The following TRHDE variants were observed in gnomAD, a reference collection of about 807,000 sequenced individuals.
TRHDE encodes thyrotropin releasing hormone degrading enzyme.
TRHDE carries 72 observed loss-of-function variants against 125.7 expected under a neutral mutation model. The observed-to-expected ratio is 0.57, with a 90% CI of 0.47 to 0.70. The LOEUF is 0.70. TRHDE is among the 30% of genes least tolerant of loss of function. TRHDE has a pLI of 0.00. For synonymous variants in TRHDE, 509 were observed against 509.1 expected (o/e 1.00, Z 0.00); for missense variants, 1,110 against 1,327.1 (o/e 0.84, Z 2.54).
At chr12:72,131,217 G>A (rs986554375) in intron 2 of TRHDE, among the ~76,000 whole-genome samples, 6 of 151,344 alleles carry the variant, frequency 4.0e-5, no homozygotes, top group African/African-American at 7.3e-5. Flanking sequence ...GACTACAGGC[G>A]CCCGCCACCA....
intron 2 of TRHDE, among the ~76,000 whole-genome samples, chr12:72,243,950 A>G (rs1878528033): frequency 6.6e-6 from 1 of 152,156 alleles, no homozygotes. Flanking sequence ...CTGTATTTTT[A>G]ACACTCGCCC....
At chr12:72,167,790 ATC>A (rs528162612) in intron 2 of TRHDE, 2 of 152,216 alleles carry the variant, frequency 1.3e-5, no homozygotes, top group Non-Finnish European at 2.9e-5. Flanking sequence ...TGGGAATCAC[ATC>A]TCTCAGAATT....
rs145078353 is a variant in TRHDE, at chr12:72,529,056, T to C, written c.1723-13235T>C. ...AATTTAACTTATTTCATTTTTCCTC[T>C]GTCAGATAATTTTATTTTAAATAAA... On this transcript the variant is annotated intron_variant, in intron 6 of 18. Transcript: ENST00000261180. Among the ~76,000 whole-genome samples the C allele has an allele frequency of 4.2e-3, 644 of 152,214 alleles. 4 individuals are homozygous for C. The highest frequency in any genetic ancestry group is 0.014 in the African/African-American group (595 of 41,560).
chr12:72,308,254 G>T (rs1444965897), intron 2 of TRHDE, among the ~76,000 whole-genome samples: 1 of 152,082 alleles, frequency 6.6e-6, no homozygotes, highest in African/African-American at 2.4e-5. Flanking sequence ...GTGTGTGAAT[G>T]TGAGGACAAA....
At chr12:72,443,319 A>G (rs184212456) in intron 3 of TRHDE, among the ~76,000 whole-genome samples, 50 of 151,230 alleles carry the variant, frequency 3.3e-4, no homozygotes, top group Middle Eastern at 6.8e-3. Flanking sequence ...CTACTCAATC[A>G]CCATTACTCT....
intron 12 of TRHDE, among the ~76,000 whole-genome samples, chr12:72,609,954 C>G (rs1265286983): frequency 6.6e-6 from 1 of 152,112 alleles, no homozygotes; most frequent in Non-Finnish European, 1.5e-5. Context: ...GCTCAATAAG[C>G]AGAATTCCAT....
At chr12:72,277,003 G>C (rs1363115025) in intron 1 of TRHDE, among the ~76,000 whole-genome samples, 4 of 152,140 alleles carry the variant, frequency 2.6e-5, no homozygotes, top group Non-Finnish European at 5.9e-5. Context: ...CCTTAATTTA[G>C]ATCCAGATGG....
chr12:72,338,348 A>G (rs533603282), intron 2 of TRHDE, among the ~76,000 whole-genome samples: 9 of 152,286 alleles, frequency 5.9e-5, no homozygotes, highest in African/African-American at 1.9e-4. Context: ...TGTGATCTTA[A>G]TTGGTATTTT....
intron 3 of TRHDE, among the ~76,000 whole-genome samples, chr12:72,397,977 TC>T (rs1465301663): frequency 8.6e-6 from 1 of 116,486 alleles, no homozygotes; most frequent in African/African-American, 3.2e-5. Flanking sequence ...ATGCTATCCC[TC>T]CCCCCTCCCC....
At chr12:72,113,789 T>C (rs1247313216) in intron 2 of TRHDE, among the ~76,000 whole-genome samples, 3 of 152,022 alleles carry the variant, frequency 2.0e-5, no homozygotes, top group African/African-American at 4.8e-5. Flanking sequence ...TATCATGTAA[T>C]TGATATTATG....
intron 2 of TRHDE, among the ~76,000 whole-genome samples, chr12:72,185,061 G>C (rs535020126): frequency 6.6e-6 from 1 of 152,160 alleles, no homozygotes; most frequent in East Asian, 1.9e-4. Context: ...AGCGGGAACC[G>C]GGGCTGCCTG....
rs145253836 is a variant in TRHDE at position 72,333,540 on chromosome 12, A to G, written c.1189-44455A>G. Among the ~76,000 whole-genome samples, 187 of 152,332 alleles carry G rather than the reference A, an allele frequency of 1.2e-3. 1 individual carries two copies. The highest frequency in any genetic ancestry group is 4.4e-3 in the African/African-American group (182 of 41,578). On this transcript the variant is annotated intron_variant, in intron 2 of 18. Transcript: ENST00000261180. The stretch of plus-strand genomic sequence containing the variant: ...CGTACTACTGAAGATTTCTTGTTCT[A>G]TGCACTACAAGTGGATAGACATGGG...
At chr12:72,572,709 T>C (rs1870804833) in intron 10 of TRHDE, among the ~76,000 whole-genome samples, 1 of 152,070 alleles carries the variant, frequency 6.6e-6, no homozygotes, top group Admixed American at 6.6e-5. Flanking sequence ...GAGGCCTGTC[T>C]TTCTTATTCT....
At chr12:72,554,276 T>C (rs942005744) in intron 7 of TRHDE, among the ~76,000 whole-genome samples, 5 of 152,198 alleles carry the variant, frequency 3.3e-5, no homozygotes, top group Admixed American at 1.3e-4. Flanking sequence ...CTGAAGTTTC[T>C]TGGATTCTTT....
chr12:72,276,673 A>G (rs1879498339), intron 1 of TRHDE, among the ~76,000 whole-genome samples: 1 of 152,218 alleles, frequency 6.6e-6, no homozygotes, highest in Non-Finnish European at 1.5e-5. Context: ...AGGTTAGAAG[A>G]CGAGCTCCCT....
chr12:72,167,316 A>G (rs1398451464), intron 2 of TRHDE, among the ~76,000 whole-genome samples: 2 of 152,190 alleles, frequency 1.3e-5, no homozygotes, highest in African/African-American at 4.8e-5. Context: ...CCAAACTGCA[A>G]GGAACAGAGA....
chr12:72,113,353 A>C (rs1024609127), intron 2 of TRHDE, among the ~76,000 whole-genome samples: 1 of 151,386 alleles, frequency 6.6e-6, no homozygotes, highest in African/African-American at 2.4e-5. Context: ...GGCTGGGTGC[A>C]GTGGCTCACA....
At chr12:72,369,457 A>G (rs1871476968) in intron 2 of TRHDE, among the ~76,000 whole-genome samples, 1 of 152,192 alleles carries the variant, frequency 6.6e-6, no homozygotes, top group Non-Finnish European at 1.5e-5. Context: ...CAAGGGAAAT[A>G]AAAAATGTAA....
chr12:72,523,690 A>C (rs974632696), intron 6 of TRHDE, among the ~76,000 whole-genome samples: 2 of 152,216 alleles, frequency 1.3e-5, no homozygotes, highest in African/African-American at 2.4e-5. Context: ...TGCACCTTCA[A>C]TGAAAACCTT....
Sources: gnomAD v4.1 joint callset for allele counts (sites outside exome capture counted in the v4.1 genomes callset) on GRCh38, gnomAD v4.1.1 for gene constraint, MANE v1.5 for transcripts, NCBI Gene and HGNC (gene_info 2026-07-23, HGNC 2026-07-21) for gene names.